The following CEP63 variants were observed in gnomAD, a reference collection of about 807,000 sequenced individuals.
CEP63 encodes the protein centrosomal protein 63.
A neutral mutation model predicts 89.1 loss-of-function variants in CEP63; 84 were observed. The observed-to-expected ratio is 0.94, with a 90% CI of 0.79 to 1.13. The LOEUF (loss-of-function observed/expected upper bound fraction) is 1.13, where lower values mean the gene tolerates loss of function less well. Ranked by LOEUF, CEP63 falls within the 50% of genes most tolerant of loss-of-function variation. CEP63 has a pLI of 0.00. For synonymous variants in CEP63, 267 were observed against 272.5 expected (o/e 0.98, Z 0.20); for missense variants, 838 against 813.3 (o/e 1.03, Z -0.37).
chr3:134,521,005 A>G (rs1462551066), intron 3 of CEP63, among the ~76,000 whole-genome samples: 2 of 152,208 alleles, frequency 1.3e-5, no homozygotes, highest in South Asian at 2.1e-4. Flanking sequence ...TTACTAATTT[A>G]GACTATATTA....
chr3:134,710,725 T>C, the CEP63 span, among the ~76,000 whole-genome samples: 11 of 118,046 alleles, frequency 9.3e-5, no homozygotes, highest in African/African-American at 2.8e-4. Flanking sequence ...TCTTTTTCTT[T>C]CTTTTTTTTT....
the CEP63 span, among the ~76,000 whole-genome samples, chr3:134,663,984 G>C: frequency 2.2e-4 from 33 of 152,284 alleles, no homozygotes; most frequent in Admixed American, 1.8e-3. Flanking sequence ...GGCTTGGGGA[G>C]AGCTTCTAGG....
chr3:134,578,335 T>TCG (rs1560077868), downstream of CEP63, among the ~76,000 whole-genome samples: 13 of 30,520 alleles, frequency 4.3e-4, no homozygotes, highest in Non-Finnish European at 5.3e-4. Flanking sequence ...TTTTTTTTTT[T>TCG]TTTTTTTTTT....
chr3:134,533,968 C>T (rs1463188385), intron 5 of CEP63, among the ~76,000 whole-genome samples: 2 of 152,248 alleles, frequency 1.3e-5, no homozygotes, highest in East Asian at 3.9e-4. Context: ...TTCGGCAATA[C>T]CTTTTCCCCC....
At chr3:134,518,423 GGATTA>G (rs958882062) in intron 3 of CEP63, among the ~76,000 whole-genome samples, 21 of 152,190 alleles carry the variant, frequency 1.4e-4, no homozygotes, top group African/African-American at 4.3e-4. Context: ...ATATTTCAGA[GGATTA>G]GAATCATGTT....
At chr3:134,700,595 C>T in the CEP63 span, among the ~76,000 whole-genome samples, 141,014 of 152,144 alleles carry the variant, frequency 0.93, 65,674 homozygotes, top group East Asian at 1. Flanking sequence ...ATTCCAACCA[C>T]GGAATAAGAA....
intron 9 of CEP63, among the ~76,000 whole-genome samples, 156 bp downstream of exon 9, chr3:134,547,628 T>TTTTTTTTTTTTTTTTTTTTTA: frequency 8.2e-6 from 1 of 122,688 alleles, no homozygotes; most frequent in East Asian, 2.3e-4. Context: ...TTTTTTTTTT[T>TTTTTTTTTTTTTTTTTTTTTA]TGAGACGGAG....
the CEP63 span, among the ~76,000 whole-genome samples, chr3:134,706,662 A>T: frequency 2.0e-5 from 3 of 152,214 alleles, no homozygotes; most frequent in Admixed American, 6.5e-5. Flanking sequence ...TTAACAAATT[A>T]TGCAAACATG....
At chr3:134,733,553 G>A in the CEP63 span, among the ~76,000 whole-genome samples, 1 of 152,174 alleles carries the variant, frequency 6.6e-6, no homozygotes, top group Non-Finnish European at 1.5e-5. Flanking sequence ...GGGGTAGGGT[G>A]GGCCCTTAAC....
chr3:134,652,513 C>T, the CEP63 span, among the ~76,000 whole-genome samples: 1 of 139,944 alleles, frequency 7.1e-6, no homozygotes, highest in African/African-American at 2.6e-5. Flanking sequence ...TTGTTGGCTT[C>T]CAGTAATGTT....
chr3:134,679,791 C>T, the CEP63 span, among the ~76,000 whole-genome samples: 2 of 152,134 alleles, frequency 1.3e-5, no homozygotes, highest in Admixed American at 6.6e-5. Flanking sequence ...GGTGCAACCT[C>T]GGCTCACTGC....
At chr3:134,624,447 C>T in the CEP63 span, among the ~76,000 whole-genome samples, 1 of 152,254 alleles carries the variant, frequency 6.6e-6, no homozygotes, top group East Asian at 1.9e-4. Flanking sequence ...AATGTCCTGA[C>T]TTCACAAAAG....
the CEP63 span, among the ~76,000 whole-genome samples, chr3:134,609,932 G>T: frequency 2.0e-5 from 3 of 152,234 alleles, no homozygotes; most frequent in African/African-American, 7.2e-5. Context: ...GGCAAATGCT[G>T]CAGGCTTTCA....
the CEP63 span, among the ~76,000 whole-genome samples, chr3:134,749,386 C>G: frequency 6.6e-6 from 1 of 152,044 alleles, no homozygotes; most frequent in Non-Finnish European, 1.5e-5. Context: ...GGGGAGGGAC[C>G]AGCTGCAACA....
chr3:134,760,047 C>T, the CEP63 span, among the ~76,000 whole-genome samples: 1 of 150,172 alleles, frequency 6.7e-6, no homozygotes, highest in Non-Finnish European at 1.5e-5. Flanking sequence ...TCACAGATAC[C>T]AGAGCACTTT....
At chr3:134,490,995 T>A (rs1937424036) in intron 1 of CEP63, among the ~76,000 whole-genome samples, 2 of 152,240 alleles carry the variant, frequency 1.3e-5, no homozygotes, top group Non-Finnish European at 2.9e-5. Context: ...ACACTTGTGT[T>A]ATTTTCTGCT....
At chr3:134,637,205 T>C in the CEP63 span, among the ~76,000 whole-genome samples, 1 of 152,262 alleles carries the variant, frequency 6.6e-6, no homozygotes, top group African/African-American at 2.4e-5. Flanking sequence ...AATTAAAACA[T>C]TAAGCATTTC....
At chr3:134,761,449 G>A in the CEP63 span, among the ~76,000 whole-genome samples, 5 of 152,326 alleles carry the variant, frequency 3.3e-5, no homozygotes, top group African/African-American at 7.2e-5. Context: ...TGCAGCCCTC[G>A]GTCTGAGCAT....
chr3:134,712,684 G>A, the CEP63 span, among the ~76,000 whole-genome samples: 3 of 152,010 alleles, frequency 2.0e-5, no homozygotes, highest in Admixed American at 6.6e-5. Flanking sequence ...TTGCCACTCC[G>A]GAGATCCTTG....
Sources: allele counts gnomAD v4.1 joint callset (sites outside exome capture counted in the v4.1 genomes callset), GRCh38; gene constraint gnomAD v4.1.1; transcripts MANE v1.5; gene names NCBI Gene and HGNC (gene_info 2026-07-23, HGNC 2026-07-21).